SYNPR: variants seen among roughly 807,000 people sequenced by gnomAD.
SYNPR encodes the protein synaptoporin.
A neutral mutation model predicts 32.9 loss-of-function variants in SYNPR; 23 were observed. The ratio of observed to expected loss-of-function variants is 0.70; its 90% confidence interval spans 0.50 to 0.99. SYNPR has a LOEUF of 0.99. Ranked by LOEUF, SYNPR falls within the 50% of genes least tolerant of loss-of-function variation. The probability of loss-of-function intolerance (pLI) is 0.00; values close to 1 mark genes in which losing one functional copy is unlikely to be tolerated. For synonymous variants in SYNPR, 146 were observed against 135.9 expected (o/e 1.07, Z -0.52); for missense variants, 318 against 349.3 (o/e 0.91, Z 0.71).
intron 2 of SYNPR, among the ~76,000 whole-genome samples, chr3:63,420,695 G>A (rs1010268587): frequency 6.6e-6 from 1 of 151,922 alleles, no homozygotes; most frequent in Non-Finnish European, 1.5e-5. Flanking sequence ...GATAAAGTTA[G>A]GCTTTATTTT....
intron 2 of SYNPR, among the ~76,000 whole-genome samples, chr3:63,466,207 A>G (rs1700675086): frequency 6.6e-6 from 1 of 150,464 alleles, no homozygotes; most frequent in Non-Finnish European, 1.5e-5. Flanking sequence ...ATAGCCTCCT[A>G]CTCCTTTTAA....
chr3:63,572,446 G>T (rs1191952360), intron 4 of SYNPR, among the ~76,000 whole-genome samples: 2 of 152,104 alleles, frequency 1.3e-5, no homozygotes, highest in Non-Finnish European at 2.9e-5. Context: ...AAGGCATTAT[G>T]CTAGGTATAG....
chr3:63,306,458 C>A (rs2086911840), intron 2 of SYNPR, among the ~76,000 whole-genome samples: 1 of 151,772 alleles, frequency 6.6e-6, no homozygotes, highest in Non-Finnish European at 1.5e-5. Context: ...GCTCTTTCAC[C>A]AGCAGAGCCT....
At chr3:63,331,505 T>C (rs1029820222) in intron 2 of SYNPR, among the ~76,000 whole-genome samples, 1 of 152,142 alleles carries the variant, frequency 6.6e-6, no homozygotes, top group Non-Finnish European at 1.5e-5. Flanking sequence ...GGAAGAGTAG[T>C]AATATACCAT....
At chr3:63,570,203 G>A (rs942189155) in intron 4 of SYNPR, among the ~76,000 whole-genome samples, 27 of 152,244 alleles carry the variant, frequency 1.8e-4, no homozygotes, top group African/African-American at 6.0e-4. Context: ...GCACACTTAG[G>A]GGAACAGGGC....
intron 2 of SYNPR, among the ~76,000 whole-genome samples, chr3:63,338,347 T>C (rs2087320771): frequency 6.6e-6 from 1 of 152,172 alleles, no homozygotes; most frequent in Non-Finnish European, 1.5e-5. Flanking sequence ...GAAGTCTAGG[T>C]GTCTAGTTTC....
chr3:63,558,079 C>T (rs963342532), intron 4 of SYNPR, among the ~76,000 whole-genome samples: 1 of 152,136 alleles, frequency 6.6e-6, no homozygotes, highest in Non-Finnish European at 1.5e-5. Flanking sequence ...TTGAGTCAGC[C>T]TCTTTTGTCT....
At chr3:63,583,611 T>C (rs908964200) in intron 4 of SYNPR, among the ~76,000 whole-genome samples, 1 of 152,066 alleles carries the variant, frequency 6.6e-6, no homozygotes, top group African/African-American at 2.4e-5. Flanking sequence ...TTTTTGAGCT[T>C]GGAACTGCCC....
intron 2 of SYNPR, among the ~76,000 whole-genome samples, chr3:63,415,153 C>T (rs201664238): frequency 3.9e-5 from 6 of 152,302 alleles, no homozygotes; most frequent in East Asian, 3.9e-4. Context: ...TATCTATGCT[C>T]TTGCAGTTCT....
chr3:63,237,157 T>C (rs953175257), intron 1 of SYNPR, among the ~76,000 whole-genome samples: 3 of 152,178 alleles, frequency 2.0e-5, no homozygotes, highest in African/African-American at 7.2e-5. Context: ...ACGATCATGA[T>C]TTGACTTGTT....
At chr3:63,364,747 C>T (rs2087709755) in intron 2 of SYNPR, among the ~76,000 whole-genome samples, 1 of 152,066 alleles carries the variant, frequency 6.6e-6, no homozygotes, top group African/African-American at 2.4e-5. Flanking sequence ...GGATCTGAGT[C>T]ATCTGAGAAG....
chr3:63,467,929 G>A (rs1383947807), intron 2 of SYNPR, among the ~76,000 whole-genome samples: 1 of 152,096 alleles, frequency 6.6e-6, no homozygotes, highest in Non-Finnish European at 1.5e-5. Flanking sequence ...GCTGGGCACG[G>A]TGGCTCACAC....
chr3:63,604,171 C>T (rs1367216282), intron 4 of SYNPR, among the ~76,000 whole-genome samples: 2 of 152,072 alleles, frequency 1.3e-5, no homozygotes, highest in East Asian at 3.9e-4. Flanking sequence ...TCCACTCCAT[C>T]TTTGTGGAGT....
intron 2 of SYNPR, among the ~76,000 whole-genome samples, chr3:63,264,759 T>C (rs1290333483): frequency 1.3e-5 from 2 of 152,088 alleles, no homozygotes; most frequent in Admixed American, 6.6e-5. Context: ...CTCAGGAAAC[T>C]TACAATCGTA....
At chr3:63,582,990 G>A (rs769333080) in intron 4 of SYNPR, among the ~76,000 whole-genome samples, 9 of 124,544 alleles carry the variant, frequency 7.2e-5, no homozygotes, top group Non-Finnish European at 1.2e-4. Flanking sequence ...TTGGGTGCAT[G>A]TGGGCTGAGT....
chr3:63,517,457 A>G (rs984791519), intron 3 of SYNPR, among the ~76,000 whole-genome samples: 1 of 152,160 alleles, frequency 6.6e-6, no homozygotes, highest in African/African-American at 2.4e-5. Context: ...CACAAAAAAG[A>G]TAGAAAAACG....
chr3:63,322,160 C>T (rs1012192341), intron 2 of SYNPR, among the ~76,000 whole-genome samples: 2 of 151,958 alleles, frequency 1.3e-5, no homozygotes, highest in Non-Finnish European at 2.9e-5. Flanking sequence ...GGAGGGTGTG[C>T]AGCAATGTTC....
intron 2 of SYNPR, among the ~76,000 whole-genome samples, chr3:63,395,440 A>T (rs972754202): frequency 1.3e-5 from 2 of 152,220 alleles, no homozygotes; most frequent in Non-Finnish European, 2.9e-5. Context: ...GCTTCTGTTT[A>T]TTCAGTAATT....
intron 2 of SYNPR, among the ~76,000 whole-genome samples, chr3:63,364,089 T>G (rs2087700353): frequency 6.6e-6 from 1 of 152,180 alleles, no homozygotes; most frequent in Non-Finnish European, 1.5e-5. Context: ...GCAAAATCTT[T>G]CCTACACCAA....
Sources: gnomAD v4.1 joint callset for allele counts (sites outside exome capture counted in the v4.1 genomes callset) on GRCh38, gnomAD v4.1.1 for gene constraint, MANE v1.5 for transcripts, NCBI Gene and HGNC (gene_info 2026-07-23, HGNC 2026-07-21) for gene names.